AQR: variants seen among roughly 807,000 people sequenced by gnomAD.
AQR encodes aquarius intron-binding spliceosomal factor.
Under a neutral mutation model 180.5 loss-of-function variants are expected in AQR, and 61 were observed. The ratio of observed to expected loss-of-function variants is 0.34; its 90% CI spans 0.28 to 0.42. The LOEUF is 0.42. AQR is among the 10% of genes least tolerant of loss of function. The probability of loss-of-function intolerance (pLI) is 1.00; values close to 1 mark genes in which losing one functional copy is unlikely to be tolerated. For synonymous variants in AQR, 551 were observed against 588.8 expected (o/e 0.94, Z 0.93); for missense variants, 1,281 against 1,798.3 (o/e 0.71, Z 5.20).
chr15:34,935,100 TG>T (rs1447346100), intron 9 of AQR, among the ~76,000 whole-genome samples: 2 of 152,120 alleles, frequency 1.3e-5, no homozygotes, highest in Non-Finnish European at 2.9e-5. Flanking sequence ...TAAAGTGCAC[TG>T]AAAATTAGAG....
At chr15:34,909,061 G>A (rs1893460127) in intron 17 of AQR, among the ~76,000 whole-genome samples, 3 of 152,182 alleles carry the variant, frequency 2.0e-5, no homozygotes, top group Non-Finnish European at 4.4e-5. Context: ...AACTATACCC[G>A]CTACAGTAGG....
chr15:34,916,014 T>G (rs752216173), intron 15 of AQR, among the ~76,000 whole-genome samples: 1 of 152,086 alleles, frequency 6.6e-6, no homozygotes, highest in African/African-American at 2.4e-5. Context: ...GTAATCTGCA[T>G]ATGAGTGATC....
At chr15:34,962,620 T>C (rs2050286228) in intron 2 of AQR, among the ~76,000 whole-genome samples, 1 of 151,692 alleles carries the variant, frequency 6.6e-6, no homozygotes. Flanking sequence ...AATACAAAAA[T>C]TAGCAGGGCG....
At chr15:34,915,215 T>A in intron 15 of AQR, 36 bp from the exon 16 acceptor site, 1 of 1,532,312 alleles carries the variant, frequency 6.5e-7, no homozygotes, top group Non-Finnish European at 8.7e-7. Flanking sequence ...TTCAATTTTT[T>A]TTTTTTTTTG....
At chr15:34,903,962 T>C (rs982310136) in intron 19 of AQR, among the ~76,000 whole-genome samples, 1 of 152,070 alleles carries the variant, frequency 6.6e-6, no homozygotes, top group African/African-American at 2.4e-5. Flanking sequence ...GAAGTATACC[T>C]ACTTTTGATT....
chr15:34,857,382 A>G lies in AQR; in HGVS notation c.4144-276T>C, dbSNP rs528006488. Reference sequence around the variant, plus strand: ...TTTTTAAGCAACATACTTTGCTGTCAACATTTCTGCAAAAAACAGTGACTG... The same window carrying G: ...TTTTTAAGCAACATACTTTGCTGTCGACATTTCTGCAAAAAACAGTGACTG... On this transcript the variant is annotated intron_variant, in intron 34 of 34. Coordinates refer to ENST00000156471, the MANE Select transcript of AQR (RefSeq NM_014691.3). Among the ~76,000 whole-genome samples, 6 of 152,388 alleles carry G rather than the reference A, an allele frequency of 3.9e-5. No individual in the cohort carries two copies. The South Asian group carries it at 1.2e-3, about 32-fold the overall frequency.
At chr15:34,946,529 T>G (rs1185628211) in intron 5 of AQR, among the ~76,000 whole-genome samples, 11 of 93,534 alleles carry the variant, frequency 1.2e-4, no homozygotes, top group East Asian at 3.3e-4. Context: ...GGGAGGGAGG[T>G]GAGGGGGTCA....
intron 9 of AQR, among the ~76,000 whole-genome samples, chr15:34,935,696 A>G (rs1893933765): frequency 6.6e-6 from 1 of 152,214 alleles, no homozygotes; most frequent in Non-Finnish European, 1.5e-5. Context: ...CATCTATTCT[A>G]GATCTTCATT....
In AQR at chr15:34,956,696, GAAAAAAAA is replaced by G. The variant is rs565202160; in HGVS notation, c.174-3784_174-3777del. ...GAACAGAATATTCAGTAAGAAGTCA[GAAAAAAAA>G]AAAAAAAAAAAAGAACCAGGGAACC... is the stretch of plus-strand genomic sequence containing the variant. On this transcript the variant is annotated intron_variant, in intron 3 of 34. Transcript: ENST00000156471. 1.4e-4 allele frequency among the ~76,000 whole-genome samples: 12 copies of G among 83,370 alleles called. 1 individual carries two copies. The highest frequency in any genetic ancestry group is 4.0e-4 in the East Asian group (1 of 2,506). 54.7% of individuals were successfully genotyped at this position (83,370 alleles called of 152,430 possible).
chr15:34,964,136 T>C, intron 2 of AQR, 98 bp downstream of exon 2: 1 of 880,118 alleles, frequency 1.1e-6, no homozygotes, highest in South Asian at 1.7e-5. Context: ...CGTTAGGTTG[T>C]TTTTAATTTT....
intron 30 of AQR, 32 bp from the exon 31 acceptor site, chr15:34,870,954 C>A: frequency 1.3e-6 from 2 of 1,580,948 alleles, no homozygotes; most frequent in Non-Finnish European, 1.7e-6. Flanking sequence ...ACTGTGCATT[C>A]ATTTGCTTTT....
chr15:34,966,864 CT>C (rs201900557), intron 1 of AQR, among the ~76,000 whole-genome samples: 2,680 of 143,536 alleles, frequency 0.019, 46 homozygotes, highest in Admixed American at 0.061. Flanking sequence ...CAAGGCCACC[CT>C]GGCCTTTTTT....
At chr15:34,961,448 A>G (rs1358348056) in intron 2 of AQR, among the ~76,000 whole-genome samples, 1 of 151,988 alleles carries the variant, frequency 6.6e-6, no homozygotes, top group Non-Finnish European at 1.5e-5. Flanking sequence ...TGTCTCTACT[A>G]AAAATACAAA....
intron 23 of AQR, among the ~76,000 whole-genome samples, chr15:34,893,400 G>A (rs1783865580): frequency 6.6e-6 from 1 of 152,172 alleles, no homozygotes; most frequent in Admixed American, 6.5e-5. Flanking sequence ...AGGAGCTAAT[G>A]CATTCCCAAA....
At chr15:34,894,462 C>T (rs1394517524) in intron 22 of AQR, among the ~76,000 whole-genome samples, 1 of 151,840 alleles carries the variant, frequency 6.6e-6, no homozygotes, top group Non-Finnish European at 1.5e-5. Context: ...ACAAAACTAA[C>T]TCATATCTAG....
At chr15:34,918,521 G>T (rs1449260748) in intron 14 of AQR, 143 bp from the exon 15 acceptor site, 7 of 897,248 alleles carry the variant, frequency 7.8e-6, no homozygotes, top group Non-Finnish European at 9.7e-6. Flanking sequence ...TTTCTCCATA[G>T]ATCAAAGATG....
chr15:34,968,377 C>T (rs1379438628), intron 1 of AQR, among the ~76,000 whole-genome samples: 2 of 151,816 alleles, frequency 1.3e-5, no homozygotes, highest in African/African-American at 2.4e-5. Flanking sequence ...CTCAGCCTCC[C>T]GAGTAGCTGG....
chr15:34,874,678 T>C lies in AQR; in HGVS notation c.3424A>G (p.Ser1142Gly). The C allele has an allele frequency of 6.2e-7, 1 of 1,613,012 alleles. No homozygotes were observed. Among genetic ancestry groups the C allele is most frequent in the Non-Finnish European group, 8.5e-7 (1 of 1,179,448 alleles). ...DLDAQGRARA[S>G]LCNLYNWRYK... ...GATTTTTTTTCCTGTCTCTTTTACCTTGCTCTGGCTCTCCCTTGAGCATCA... is the reference window on the plus strand; with the variant it reads ...GATTTTTTTTCCTGTCTCTTTTACCCTGCTCTGGCTCTCCCTTGAGCATCA... Residue 1142 changes from serine (S) to glycine (G), a missense_variant and splice_region_variant, in exon 29 of 35, where the codon AGC becomes GGC. Ser to Gly is a moderately conservative substitution (Grantham distance 56). Coordinates refer to ENST00000156471, the MANE Select transcript of AQR (RefSeq NM_014691.3).
chr15:34,897,076 G>T, intron 21 of AQR, 110 bp from the exon 22 acceptor site: 1 of 789,344 alleles, frequency 1.3e-6, no homozygotes, highest in Non-Finnish European at 2.1e-6. Flanking sequence ...ATTTACCCCA[G>T]TTCTCTCAAT....
Sources: allele counts gnomAD v4.1 joint callset (sites outside exome capture counted in the v4.1 genomes callset), GRCh38; gene constraint gnomAD v4.1.1; transcripts MANE v1.5; gene names NCBI Gene and HGNC (gene_info 2026-07-23, HGNC 2026-07-21).